MYOZ3: variants seen among roughly 807,000 people sequenced by gnomAD.
MYOZ3 encodes the protein myozenin 3, also known as myozenin-3.
A neutral mutation model predicts 26.5 loss-of-function variants in MYOZ3; 19 were observed. That is an observed-to-expected ratio of 0.72 (90% CI 0.50 to 1.05). MYOZ3 has a LOEUF of 1.05. Among genes scored for constraint, MYOZ3 ranks in the 50% least tolerant of loss-of-function variants. MYOZ3 has a pLI of 0.00. For synonymous variants in MYOZ3, 135 were observed against 138.8 expected (o/e 0.97, Z 0.19); for missense variants, 322 against 337.1 (o/e 0.96, Z 0.35).
chr5:150,672,012 T>C, intron 5 of MYOZ3, 104 bp downstream of exon 5: 1 of 1,406,968 alleles, frequency 7.1e-7, no homozygotes. Flanking sequence ...TCCGCCCCCT[T>C]CCCCAACACA....
intron 2 of MYOZ3, among the ~76,000 whole-genome samples, chr5:150,665,074 T>G (rs1758788052): frequency 6.6e-6 from 1 of 152,130 alleles, no homozygotes; most frequent in African/African-American, 2.4e-5. Flanking sequence ...TCTCACGCCT[T>G]CCTTCCCCGT....
At chr5:150,671,542 T>G in intron 3 of MYOZ3, 55 bp from the exon 4 acceptor site, 1 of 1,600,118 alleles carries the variant, frequency 6.2e-7, no homozygotes, top group Non-Finnish European at 8.6e-7. Context: ...GGGAGAACCC[T>G]GGTCCCCTGC....
At chr5:150,676,624 G>C (rs1759011630) in intron 6 of MYOZ3, 83 bp from the exon 7 acceptor site, 2 of 1,368,196 alleles carry the variant, frequency 1.5e-6, no homozygotes, top group Non-Finnish European at 1.0e-6. Context: ...GCAGGGAGGG[G>C]CCCATACATG....
chr5:150,665,213 T>G (rs1349716087), intron 2 of MYOZ3, among the ~76,000 whole-genome samples: 6 of 152,146 alleles, frequency 3.9e-5, no homozygotes, highest in African/African-American at 1.4e-4. Flanking sequence ...GAGAACGTGC[T>G]CTCGGAAGGG....
rs182364924 is a variant in MYOZ3 at position 150,665,993 on chromosome 5, C to T, written c.61+2991C>T. On this transcript the variant is annotated intron_variant, in intron 2 of 6. Coordinates refer to ENST00000517768, the MANE Select transcript of MYOZ3 (RefSeq NM_001122853.3). The stretch of plus-strand genomic sequence containing the variant: ...GAGGTTGCAGTGAGCCGAGATCATG[C>T]CATTGCACTCCAGCCTGGGCAACAA... Among the ~76,000 whole-genome samples the T allele has an allele frequency of 9.8e-3, 1,458 of 148,126 alleles. 22 individuals are homozygous for T. The highest frequency in any genetic ancestry group is 0.033 in the African/African-American group (1,279 of 39,272).
chr5:150,668,307 AAATAT>A (rs1758839689), intron 2 of MYOZ3, among the ~76,000 whole-genome samples: 1 of 152,248 alleles, frequency 6.6e-6, no homozygotes, highest in South Asian at 2.1e-4. Context: ...TTGTATTGCT[AAATAT>A]AATAGTGGAT....
chr5:150,671,565 C>T, intron 3 of MYOZ3, 32 bp from the exon 4 acceptor site: 1 of 1,613,636 alleles, frequency 6.2e-7, no homozygotes, highest in Non-Finnish European at 8.5e-7. Flanking sequence ...CGCTGAGCTT[C>T]TCTGCGGTTT....
intron 2 of MYOZ3, among the ~76,000 whole-genome samples, chr5:150,664,313 G>A (rs1758777305): frequency 6.6e-6 from 1 of 152,060 alleles, no homozygotes. Context: ...GGGTACTGAC[G>A]CTCTAACTAG....
chr5:150,661,736 T>A (rs1456093045), intron 1 of MYOZ3, among the ~76,000 whole-genome samples: 1 of 152,202 alleles, frequency 6.6e-6, no homozygotes, highest in Non-Finnish European at 1.5e-5. Context: ...CTTCCCAGCA[T>A]CTGTGAATTT....
Position 150,670,569 on chromosome 5 carries a change from CCTCCT to C in MYOZ3, c.150_154del (p.Leu51ProfsTer46). On this transcript the variant is annotated frameshift_variant, in exon 3 of 7. Coordinates refer to ENST00000517768, the MANE Select transcript of MYOZ3 (RefSeq NM_001122853.3). LOFTEE classifies it high-confidence loss of function. ...TGTCACTACGCAACAACAGAGGGTC[CCTCCT>C]CTTCCAGAAGAGGCAGCGCCGTGTG... 6.2e-7 allele frequency: 1 copy of C among 1,613,180 alleles called. No homozygotes were observed. The highest frequency in any genetic ancestry group is 1.1e-5 in the South Asian group (1 of 90,904).
intron 4 of MYOZ3, 23 bp from the exon 5 acceptor site, chr5:150,671,732 T>G: frequency 1.2e-6 from 2 of 1,613,144 alleles, no homozygotes; most frequent in East Asian, 2.2e-5. Context: ...CGGTGGCCTC[T>G]GAGAACCCGC....
At chr5:150,671,523 T>A in intron 3 of MYOZ3, 74 bp from the exon 4 acceptor site, 1 of 1,516,030 alleles carries the variant, frequency 6.6e-7, no homozygotes, top group Non-Finnish European at 9.1e-7. Context: ...GACCTTTTTT[T>A]TTGGTGGAGG....
In MYOZ3 at chr5:150,677,043, C is replaced by CA; in HGVS notation, c.*172dup. The stretch of plus-strand genomic sequence containing the variant: ...GTCGTCCCAAAACATGGGTGTGTTT[C>CA]AAAATTACCTGGGGATGTTGTTCCA... On this transcript the variant is annotated 3_prime_UTR_variant, in exon 7 of 7. Coordinates refer to ENST00000517768, the MANE Select transcript of MYOZ3 (RefSeq NM_001122853.3). 2 of 628,518 alleles carry CA rather than the reference C, an allele frequency of 3.2e-6. No homozygotes were observed. The highest frequency in any genetic ancestry group is 4.2e-5 in the South Asian group (2 of 47,638). 38.9% of individuals were successfully genotyped at this position (628,518 alleles called of 1,614,324 possible).
At chr5:150,671,323 CCAT>C (rs1274074863) in intron 3 of MYOZ3, 1 of 515,828 alleles carries the variant, frequency 1.9e-6, no homozygotes, top group African/African-American at 1.9e-5. Context: ...ATCTTCATCA[CCAT>C]CATCCTCATT....
At chr5:150,676,543 CA>C (rs749959393) in intron 6 of MYOZ3, among the ~76,000 whole-genome samples, 163 bp from the exon 7 acceptor site, 970 of 57,956 alleles carry the variant, frequency 0.017, 5 homozygotes, top group African/African-American at 0.031. Flanking sequence ...GACTCTGTCT[CA>C]AAAAAAAAAA....
At chr5:150,668,293 G>T (rs181150411) in intron 2 of MYOZ3, among the ~76,000 whole-genome samples, 1 of 152,316 alleles carries the variant, frequency 6.6e-6, no homozygotes, top group Admixed American at 6.5e-5. Context: ...AATTACCAAT[G>T]ACCTTGTATT....
chr5:150,671,546 C>T, intron 3 of MYOZ3, 51 bp from the exon 4 acceptor site: 1 of 1,604,366 alleles, frequency 6.2e-7, no homozygotes, highest in South Asian at 1.1e-5. Flanking sequence ...GAACCCTGGT[C>T]CCCTGCCCCG....
chr5:150,661,624 G>A (rs1002277176), intron 1 of MYOZ3, among the ~76,000 whole-genome samples, 197 bp downstream of exon 1: 2 of 152,202 alleles, frequency 1.3e-5, no homozygotes, highest in Non-Finnish European at 2.9e-5. Flanking sequence ...AATGGGGAGG[G>A]TGTGGCTAGG....
chr5:150,673,923 C>T (rs1459565407), intron 6 of MYOZ3, among the ~76,000 whole-genome samples: 1 of 152,154 alleles, frequency 6.6e-6, no homozygotes, highest in Non-Finnish European at 1.5e-5. Context: ...GGCATTTGCT[C>T]AGACCACACG....
Sources: gnomAD v4.1 joint callset for allele counts (sites outside exome capture counted in the v4.1 genomes callset) on GRCh38, gnomAD v4.1.1 for gene constraint, MANE v1.5 for transcripts, NCBI Gene and HGNC (gene_info 2026-07-23, HGNC 2026-07-21) for gene names.